The following TMPRSS5 variants were observed in gnomAD, a reference collection of about 807,000 sequenced individuals.
TMPRSS5 encodes the protein transmembrane serine protease 5, also known as transmembrane protease serine 5.
A neutral mutation model predicts 59.7 loss-of-function variants in TMPRSS5; 45 were observed. The ratio of observed to expected loss-of-function variants is 0.75; its 90% CI spans 0.59 to 0.97. TMPRSS5 has a LOEUF of 0.97. Ranked by LOEUF, TMPRSS5 falls within the 50% of genes least tolerant of loss-of-function variation. The probability of loss-of-function intolerance (pLI) is 0.00; values close to 1 mark genes in which losing one functional copy is unlikely to be tolerated. For synonymous variants in TMPRSS5, 225 were observed against 232.0 expected, an observed-to-expected ratio of 0.97 and a Z score of 0.27; for missense variants, 585 against 596.7, an observed-to-expected ratio of 0.98 and a Z score of 0.20.
At chr11:113,692,774 G>A (rs1952818415) in intron 9 of TMPRSS5, among the ~76,000 whole-genome samples, 2 of 152,272 alleles carry the variant, frequency 1.3e-5, no homozygotes, top group South Asian at 4.2e-4. Flanking sequence ...CTGGGGACAG[G>A]GGTGGAGCAG....
Position 113,690,920 on chromosome 11 carries a change from G to A in TMPRSS5, c.984C>T (p.Cys328=), listed in dbSNP as rs1952761469. The change falls in exon 10 of 13, where the codon TGC becomes TGT. Residue 328 remains cysteine (C), a synonymous_variant. Coordinates refer to ENST00000299882, the MANE Select transcript of TMPRSS5 (RefSeq NM_030770.4). ...LNFSDTVGAV[C]LPAKEQHFPK... ...GAAAATGCTGTTCCTTGGCCGGCAG[G>A]CACACAGCGCCCACAGTGTCTGTAG... 8 of 1,590,506 alleles carry A rather than the reference G, an allele frequency of 5.0e-6. No individual in the cohort carries two copies. Among genetic ancestry groups the A allele is most frequent in the Non-Finnish European group, 6.8e-6 (8 of 1,169,004 alleles).
chr11:113,691,634 G>A (rs886772784), intron 9 of TMPRSS5, among the ~76,000 whole-genome samples: 1 of 151,866 alleles, frequency 6.6e-6, no homozygotes, highest in Non-Finnish European at 1.5e-5. Flanking sequence ...AGTAATATAG[G>A]TTCTCTAACT....
chr11:113,702,484 G>A (rs1315691726), intron 1 of TMPRSS5, among the ~76,000 whole-genome samples: 1 of 152,194 alleles, frequency 6.6e-6, no homozygotes, highest in Non-Finnish European at 1.5e-5. Context: ...GCCTGATGAT[G>A]TGATAGAAAA....
intron 3 of TMPRSS5, among the ~76,000 whole-genome samples, chr11:113,699,317 C>T (rs922417727): frequency 2.1e-5 from 3 of 146,072 alleles, no homozygotes; most frequent in African/African-American, 7.8e-5. Context: ...CTAGCTGTCT[C>T]TCAGTATGTC....
rs1032695560 is a variant in TMPRSS5 at position 113,693,143 on chromosome 11, G to A, written c.892C>T (p.Pro298Ser). 1.9e-6 allele frequency: 3 copies of A among 1,599,100 alleles called. No homozygotes were observed. Among genetic ancestry groups the A allele is most frequent in the Non-Finnish European group, 2.6e-6 (3 of 1,173,136 alleles). ...TCATGATTCTGGGCACTGTAGAGGG[G>A]GTGTGGGATAATCCTCTCCACCAGA... Reference protein sequence around the residue: ...GALVERIIPHPLYSAQNHDYD... With the variant: ...GALVERIIPHSLYSAQNHDYD... The change falls in exon 9 of 13, where the codon CCC becomes TCC. Residue 298 changes from proline to serine, a missense_variant. Pro to Ser is a moderately conservative substitution (Grantham distance 74). Transcript: ENST00000299882.
At chr11:113,691,965 G>T (rs1314496199) in intron 9 of TMPRSS5, among the ~76,000 whole-genome samples, 1 of 136,134 alleles carries the variant, frequency 7.3e-6, no homozygotes, top group Non-Finnish European at 1.5e-5. Flanking sequence ...TCAGCTCACT[G>T]CAATCTCTGC....
At position 113,699,645 on chromosome 11, in the gene TMPRSS5, A is replaced by G; in HGVS notation, c.155T>C (p.Leu52Pro). ...WRSMRRGCAVLGALGLLAGAG... is the reference protein window; with the variant it reads ...WRSMRRGCAVPGALGLLAGAG... The stretch of plus-strand genomic sequence containing the variant: ...ACCGGCCAGCAGCCCCAGGGCTCCC[A>G]GCACTGCACAGCCACGTCGCATGGA... The change falls in exon 3 of 13, where the codon CTG (leucine) becomes CCG (proline). Residue 52 changes from leucine to proline, a missense_variant. By Grantham distance (98) the Leu-to-Pro change is moderately conservative. Coordinates refer to ENST00000299882, the MANE Select transcript of TMPRSS5 (RefSeq NM_030770.4). 1 of 1,586,116 alleles carries G rather than the reference A, an allele frequency of 6.3e-7. No individual in the cohort carries two copies. Among genetic ancestry groups the G allele is most frequent in the Non-Finnish European group, 8.6e-7 (1 of 1,166,650 alleles).
At chr11:113,693,381 GC>G in intron 8 of TMPRSS5, 132 bp from the exon 9 acceptor site, 1 of 974,874 alleles carries the variant, frequency 1.0e-6, no homozygotes, top group Non-Finnish European at 1.5e-6. Context: ...GAGCTCCCAG[GC>G]CCCACAGACT....
chr11:113,703,607 CATTTTGAATTGTA>C (rs1470087211), intron 1 of TMPRSS5, among the ~76,000 whole-genome samples: 7 of 152,180 alleles, frequency 4.6e-5, no homozygotes, highest in East Asian at 1.9e-4. Context: ...CCCACAATCT[CATTTTGAATTGTA>C]ATTTTGAATT....
At chr11:113,701,256 G>A (rs910840416) in intron 1 of TMPRSS5, among the ~76,000 whole-genome samples, 3 of 152,218 alleles carry the variant, frequency 2.0e-5, no homozygotes, top group African/African-American at 4.8e-5. Flanking sequence ...GGGTTCAGAA[G>A]AAGACAGGAA....
intron 1 of TMPRSS5, among the ~76,000 whole-genome samples, chr11:113,700,483 T>C (rs985998245): frequency 1.3e-5 from 2 of 152,182 alleles, no homozygotes; most frequent in Non-Finnish European, 2.9e-5. Context: ...TGAAGGCATC[T>C]ACTAAAGTCC....
chr11:113,694,744 T>C, intron 7 of TMPRSS5, 104 bp from the exon 8 acceptor site: 1 of 1,133,844 alleles, frequency 8.8e-7, no homozygotes, highest in Non-Finnish European at 1.2e-6. Flanking sequence ...AGAGAGCCAG[T>C]GTGGACAGCT....
intron 1 of TMPRSS5, among the ~76,000 whole-genome samples, chr11:113,700,429 C>G (rs1247132926): frequency 6.6e-6 from 1 of 152,204 alleles, no homozygotes. Flanking sequence ...TTGGCCCACT[C>G]CAAAGCCTGC....
At chr11:113,690,492 G>T in intron 10 of TMPRSS5, 119 bp from the exon 11 acceptor site, 1 of 1,434,638 alleles carries the variant, frequency 7.0e-7, no homozygotes, top group Non-Finnish European at 9.2e-7. Context: ...GCGAGCCCAG[G>T]GTGGGAGCTG....
chr11:113,694,506 C>T lies in TMPRSS5; in HGVS notation c.757G>A (p.Val253Met), dbSNP rs575842217. ...CGGSVLAPRW[V>M]VTAAHCMHSF... ...TGCATACAATGTGCAGCAGTCACCA[C>T]CCAGCGTGGCGCTAGCACAGAGCCC... Residue 253 changes from valine (V) to methionine (M), a missense_variant, in exon 8 of 13, where the codon GTG (valine) becomes ATG (methionine). By Grantham distance (21) the Val-to-Met change is conservative. Transcript: ENST00000299882. 1.9e-6 allele frequency: 3 copies of T among 1,567,464 alleles called. No individual in the cohort carries two copies. The highest frequency in any genetic ancestry group is 1.2e-5 in the South Asian group (1 of 85,050).
chr11:113,691,204 T>A (rs760903530), intron 9 of TMPRSS5, among the ~76,000 whole-genome samples: 2 of 151,968 alleles, frequency 1.3e-5, no homozygotes, highest in Non-Finnish European at 2.9e-5. Context: ...TGCTGCCCCC[T>A]CCCCACACCT....
At position 113,687,741 on chromosome 11, in the gene TMPRSS5, T is replaced by A. The variant is rs562665843; in HGVS notation, c.*519A>T. On this transcript the variant is annotated 3_prime_UTR_variant, in exon 13 of 13. Transcript: ENST00000299882. ...AGAGTGGAGAGGGTCCTGACTCCCATAGGCTTCATCTGGGCTGGCCCAGCC... is the reference window on the plus strand; with the variant it reads ...AGAGTGGAGAGGGTCCTGACTCCCAAAGGCTTCATCTGGGCTGGCCCAGCC... 1.3e-5 allele frequency: 2 copies of A among 153,152 alleles called. No individual in the cohort carries two copies. Among genetic ancestry groups the A allele is most frequent in the South Asian group, 4.1e-4 (2 of 4,820 alleles). The allele number at this position is 153,152 out of a possible 1,614,324, so 9.5% of individuals were successfully genotyped here.
chr11:113,694,244 CAA>C (rs1285209758), intron 8 of TMPRSS5: 1,629 of 203,466 alleles, frequency 8.0e-3, no homozygotes, highest in East Asian at 9.6e-3. Flanking sequence ...GACTCTGTCT[CAA>C]AAAAAAAAAA....
Position 113,689,924 on chromosome 11 carries a change from G to A in TMPRSS5, c.1207-7C>T. 1 of 1,543,920 alleles carries A rather than the reference G, an allele frequency of 6.5e-7. No homozygotes were observed. Among genetic ancestry groups the A allele is most frequent in the Non-Finnish European group, 8.8e-7 (1 of 1,142,096 alleles). ...GGGGGCCCCCGCTATCTCCCTAAGG[G>A]ATCCAGGCATGGAGACACAGAGAAA... On this transcript the variant is annotated splice_polypyrimidine_tract_variant and splice_region_variant and intron_variant, in intron 11 of 12. Transcript: ENST00000299882.
Sources: allele counts gnomAD v4.1 joint callset (sites outside exome capture counted in the v4.1 genomes callset), GRCh38; gene constraint gnomAD v4.1.1; transcripts MANE v1.5; gene names NCBI Gene and HGNC (gene_info 2026-07-23, HGNC 2026-07-21).